USH1C: variants seen among roughly 807,000 people sequenced by gnomAD.
USH1C encodes the protein harmonin.
Under a neutral mutation model 119.3 loss-of-function variants are expected in USH1C, and 90 were observed. The observed-to-expected ratio is 0.75, with a 90% CI of 0.64 to 0.90. The LOEUF (loss-of-function observed/expected upper bound fraction) is 0.90. USH1C is among the 40% of genes least tolerant of loss of function. The pLI, the probability that USH1C is intolerant of heterozygous loss-of-function variation, is 0.00. For synonymous variants in USH1C, 465 were observed against 443.3 expected (o/e 1.05, Z -0.62); for missense variants, 1,165 against 1,167.7 (o/e 1.00, Z 0.03).
chr11:17,526,897 A>G, intron 6 of USH1C, 87 bp from the exon 7 acceptor site: 1 of 1,577,510 alleles, frequency 6.3e-7, no homozygotes, highest in East Asian at 2.3e-5. Flanking sequence ...CCATGTCTAG[A>G]GCCTCCAGCC....
At chr11:17,521,082 G>C in intron 13 of USH1C, 88 bp from the exon 14 acceptor site, 2 of 1,567,670 alleles carry the variant, frequency 1.3e-6, no homozygotes, top group East Asian at 4.5e-5. Context: ...CCAGCCTGGG[G>C]AGAAGCCTCA....
chr11:17,495,141 A>C, intron 26 of USH1C: 2 of 241,494 alleles, frequency 8.3e-6, no homozygotes, highest in Non-Finnish European at 1.7e-5. Context: ...AGGAAGGGGA[A>C]TTTTCACATT....
chr11:17,543,680 C>T (rs911249080), intron 1 of USH1C, among the ~76,000 whole-genome samples: 20 of 152,310 alleles, frequency 1.3e-4, no homozygotes. Context: ...CCGGCCAGAG[C>T]CCAGCTCCGA....
At chr11:17,505,780 C>T (rs764760728) in intron 19 of USH1C, 50 bp downstream of exon 19, 9 of 1,612,840 alleles carry the variant, frequency 5.6e-6, no homozygotes, top group Non-Finnish European at 7.6e-6. Flanking sequence ...GGGGAGGTAG[C>T]CCTGGTCTGC....
chr11:17,531,355 G>A lies in USH1C; in HGVS notation c.248+44C>T, dbSNP rs749671302. On this transcript the variant is annotated intron_variant, in intron 3 of 26. Transcript: ENST00000005226. The surrounding 1 kb of genome is among the most constrained non-coding windows in gnomAD (Gnocchi z 4.2). ...CTGCCAGCACTGCCCCGCCCAGGGTGATCTCTCCACCCCCTGCCTCCAGCC... is the reference window on the plus strand; with the variant it reads ...CTGCCAGCACTGCCCCGCCCAGGGTAATCTCTCCACCCCCTGCCTCCAGCC... 4.5e-5 allele frequency: 72 copies of A among 1,613,750 alleles called. No homozygotes were observed. In the South Asian group the frequency reaches 6.6e-4, roughly 15 times the overall value.
intron 1 of USH1C, among the ~76,000 whole-genome samples, chr11:17,543,565 G>GAA (rs1851563891): frequency 6.6e-6 from 1 of 152,196 alleles, no homozygotes; most frequent in South Asian, 2.1e-4. Flanking sequence ...TGCCCTGTGT[G>GAA]AAACCTGGCC....
intron 15 of USH1C, among the ~76,000 whole-genome samples, chr11:17,513,174 C>T (rs978212952): frequency 6.6e-6 from 1 of 152,042 alleles, no homozygotes; most frequent in Non-Finnish European, 1.5e-5. Context: ...TCTATGGTGC[C>T]CTGATGAGCT....
At chr11:17,506,385 C>T (rs1849649684) in intron 18 of USH1C, among the ~76,000 whole-genome samples, 1 of 152,188 alleles carries the variant, frequency 6.6e-6, no homozygotes, top group African/African-American at 2.4e-5. Context: ...CTCTAGGGGC[C>T]ATGGGGTGAA....
In USH1C at chr11:17,523,405, C is replaced by A. The variant is rs141468796; in HGVS notation, c.819+14G>T. 2 of 1,614,102 alleles carry A rather than the reference C, an allele frequency of 1.2e-6. No individual in the cohort carries two copies. Among genetic ancestry groups the A allele is most frequent in the Non-Finnish European group, 1.7e-6 (2 of 1,179,982 alleles). ...GATGACAAGGGCCAACAGGTGAAGA[C>A]CCCCACATCTCACCTCCTTGTGATC... On this transcript the variant is annotated intron_variant, in intron 10 of 26. Coordinates refer to ENST00000005226, the MANE Select transcript of USH1C (RefSeq NM_153676.4).
At chr11:17,505,980 G>A (rs769920654) in intron 18 of USH1C, 31 bp from the exon 19 acceptor site, 1 of 1,613,942 alleles carries the variant, frequency 6.2e-7, no homozygotes, top group African/African-American at 1.3e-5. Context: ...GGACCCAGGT[G>A]AGGTCATGGT....
At chr11:17,496,497 A>G (rs571656330) in intron 25 of USH1C, among the ~76,000 whole-genome samples, 32 of 152,298 alleles carry the variant, frequency 2.1e-4, no homozygotes, top group African/African-American at 7.2e-4. Flanking sequence ...GTCTCTGCTT[A>G]CCCGGTCTAA....
intron 16 of USH1C, among the ~76,000 whole-genome samples, chr11:17,511,134 G>C (rs995645894): frequency 6.6e-6 from 1 of 152,160 alleles, no homozygotes; most frequent in African/African-American, 2.4e-5. Flanking sequence ...ATTATTCATG[G>C]TGTAAGGTTG....
At chr11:17,507,158 T>C (rs1179367381) in intron 18 of USH1C, among the ~76,000 whole-genome samples, 1 of 152,174 alleles carries the variant, frequency 6.6e-6, no homozygotes, top group Non-Finnish European at 1.5e-5. Flanking sequence ...TCACACTTCC[T>C]GCTGCAGCAC....
intron 26 of USH1C, 85 bp from the exon 27 acceptor site, chr11:17,494,461 G>T: frequency 1.4e-6 from 2 of 1,464,944 alleles, no homozygotes; most frequent in Non-Finnish European, 9.4e-7. Flanking sequence ...CCACAAGGGG[G>T]AGTACCCACT....
chr11:17,508,678 C>T (rs1849742513), intron 18 of USH1C, among the ~76,000 whole-genome samples: 1 of 152,198 alleles, frequency 6.6e-6, no homozygotes, highest in Non-Finnish European at 1.5e-5. Context: ...AGACACTGTT[C>T]ATCTTCCTAA....
At position 17,520,865 on chromosome 11, in the gene USH1C, C is replaced by T. The variant is rs372285784; in HGVS notation, c.1210+5G>A. The T allele has an allele frequency of 1.2e-5, 20 of 1,614,082 alleles. No homozygotes were observed. Among genetic ancestry groups the T allele is most frequent in the Non-Finnish European group, 1.7e-5 (20 of 1,180,042 alleles). On this transcript the variant is annotated splice_donor_5th_base_variant and intron_variant, in intron 14 of 26. Transcript: ENST00000005226. ...TAGCCTCTCCCCTCGGCTCATGAAA[C>T]TTACACTTTGGCTTGCGAAGGGGTA...
At position 17,506,615 on chromosome 11, in the gene USH1C, G is replaced by A. The variant is rs77066830; in HGVS notation, c.2014-666C>T. Among the ~76,000 whole-genome samples the A allele has an allele frequency of 9.0e-3, 1,376 of 152,232 alleles. 20 individuals carry two copies. The highest frequency in any genetic ancestry group is 0.032 in the African/African-American group (1,335 of 41,532). On this transcript the variant is annotated intron_variant, in intron 18 of 26. Coordinates refer to ENST00000005226, the MANE Select transcript of USH1C (RefSeq NM_153676.4). ...AGCCTTATCTCTCACTCCTCGCCAC[G>A]CTCCTCACACTGCCTAGCTTTAGCC...
At chr11:17,514,673 G>A (rs1408510684) in intron 15 of USH1C, 1 of 152,150 alleles carries the variant, frequency 6.6e-6, no homozygotes, top group Non-Finnish European at 1.5e-5. Flanking sequence ...GAGGGGCATG[G>A]TTCTGTTGTC....
rs1407662413 is a variant in USH1C, at chr11:17,498,367, G to T, written c.2381-96C>A. ...GGGGGGTCATTGCCAGACAGCAGAA[G>T]AGACCTGAGCCTGGGTTCTGAAAGC... On this transcript the variant is annotated intron_variant, in intron 23 of 26. Transcript: ENST00000005226. 3.5e-6 allele frequency: 4 copies of T among 1,138,112 alleles called. No homozygotes were observed. The African/African-American group carries it at 6.1e-5, about 17-fold the overall frequency. 70.5% of individuals were successfully genotyped at this position (1,138,112 alleles called of 1,614,324 possible).
Sources: gnomAD v4.1 joint callset for allele counts (sites outside exome capture counted in the v4.1 genomes callset) on GRCh38, gnomAD v4.1.1 for gene constraint, Gnocchi (gnomAD v3.1) non-coding constraint, MANE v1.5 for transcripts, NCBI Gene and HGNC (gene_info 2026-07-23, HGNC 2026-07-21) for gene names.